The following DNASE1 variants were observed in gnomAD, a reference collection of about 807,000 sequenced individuals.
DNASE1 encodes the protein deoxyribonuclease 1.
DNASE1 carries 40 observed loss-of-function variants against 33.9 expected under a neutral mutation model. The ratio of observed to expected loss-of-function variants is 1.18; its 90% CI spans 0.92 to 1.54. The LOEUF (loss-of-function observed/expected upper bound fraction) is 1.54, where lower values mean the gene tolerates loss of function less well. Among genes scored for constraint, DNASE1 ranks in the 40% most tolerant of loss-of-function variants. The pLI is 0.00. For missense variants in DNASE1, 518 were observed against 372.6 expected, an observed-to-expected ratio of 1.39 and a Z score of -3.21; for synonymous variants, 216 against 160.0, an observed-to-expected ratio of 1.35 and a Z score of -2.64.
chr16:3,621,276 G>T (rs993162649), intron 1 of DNASE1, among the ~76,000 whole-genome samples: 10 of 151,976 alleles, frequency 6.6e-5, no homozygotes, highest in South Asian at 2.1e-4. Flanking sequence ...TTGTAGATAT[G>T]GGGTCTTGCT....
downstream of DNASE1, chr16:3,659,423 A>ATTCTAGGGAAGAAATGTTTC (rs2042934519): frequency 6.6e-6 from 1 of 152,204 alleles, no homozygotes; most frequent in African/African-American, 2.4e-5. Context: ...GACAAGCACA[A>ATTCTAGGGAAGAAATGTTTC]TTCTAGGGAA....
chr16:3,619,866 G>A lies in DNASE1; in HGVS notation c.-1359+7860G>A, dbSNP rs184427486. The stretch of plus-strand genomic sequence containing the variant: ...TTACAGCTCTACTAAATATTTCATC[G>A]AGTCAGCAGATTGGTTATAAATATA... On this transcript the variant is annotated intron_variant and NMD_transcript_variant, in intron 1 of 11. Transcript: ENST00000570769. Among the ~76,000 whole-genome samples the A allele has an allele frequency of 3.0e-4, 45 of 151,646 alleles. 1 individual carries two copies. In the East Asian group the frequency reaches 7.2e-3, roughly 24 times the overall value.
Position 3,655,367 on chromosome 16 carries a change from T to C in DNASE1, c.-1-6T>C. ...TGTTATGTCTCTGTGCCCTGTGCTC[T>C]CCCAGGATGAGGGGCATGAAGCTGC... On this transcript the variant is annotated splice_polypyrimidine_tract_variant and splice_region_variant and intron_variant, in intron 1 of 8. Coordinates refer to ENST00000246949, the MANE Select transcript of DNASE1 (RefSeq NM_005223.4). 6.2e-7 allele frequency: 1 copy of C among 1,614,102 alleles called. No individual in the cohort carries two copies. Among genetic ancestry groups the C allele is most frequent in the Non-Finnish European group, 8.5e-7 (1 of 1,180,032 alleles).
rs1246760583 is a variant in DNASE1, at chr16:3,655,181, A to AGT, written c.-2+139_-2+140dup. 3 of 715,548 alleles carry AGT rather than the reference A, an allele frequency of 4.2e-6. No homozygotes were observed. In the Admixed American group the frequency reaches 8.5e-5, roughly 20 times the overall value. 44.3% of individuals were successfully genotyped at this position (715,548 alleles called of 1,614,324 possible). ...GGGCGGGTTTTCTGGTGGATGGAGG[A>AGT]GTGACTCGGGGTCCTCTACGTGGTG... is the stretch of plus-strand genomic sequence containing the variant. On this transcript the variant is annotated intron_variant, in intron 1 of 8. Transcript: ENST00000246949.
chr16:3,653,826 A>AAAAAAAAAAAAACAAAAAC (rs2042428566), upstream of DNASE1: 2 of 144,908 alleles, frequency 1.4e-5, no homozygotes, highest in African/African-American at 5.3e-5. Context: ...AAAAAAAAAA[A>AAAAAAAAAAAAACAAAAAC]AAAAAAAAAA....
At chr16:3,663,693 T>G in exon 10 of DNASE1, 2 of 1,166,546 alleles carry the variant, frequency 1.7e-6, no homozygotes, top group Non-Finnish European at 2.4e-6. Context: ...CAGTTGGGGT[T>G]CCTAGGCCTG....
chr16:3,628,713 C>T (rs1369104295), intron 1 of DNASE1, among the ~76,000 whole-genome samples: 1 of 151,510 alleles, frequency 6.6e-6, no homozygotes, highest in Non-Finnish European at 1.5e-5. Context: ...CGCCCGCCAC[C>T]ACGCCCGGCT....
chr16:3,657,523 C>A (rs1464837448), intron 7 of DNASE1, among the ~76,000 whole-genome samples, 182 bp downstream of exon 7: 1 of 152,140 alleles, frequency 6.6e-6, no homozygotes, highest in African/African-American at 2.4e-5. Flanking sequence ...AAAAGCACAT[C>A]TGGGGATAAG....
chr16:3,662,740 C>A (rs764592216), downstream of DNASE1: 7 of 776,254 alleles, frequency 9.0e-6, no homozygotes, highest in Admixed American at 1.2e-4. Flanking sequence ...CGAGCAGGGA[C>A]CCACAGGGTC....
downstream of DNASE1, chr16:3,659,834 C>T (rs2151234218): frequency 6.6e-6 from 1 of 152,242 alleles, no homozygotes; most frequent in South Asian, 2.1e-4. Context: ...TGGCTCACCG[C>T]AGCCTCCTGG....
Position 3,657,936 on chromosome 16 carries a change from GA to G in DNASE1, c.833del (p.Glu278GlyfsTer2). The G allele has an allele frequency of 6.2e-7, 1 of 1,613,226 alleles. No homozygotes were observed. The highest frequency in any genetic ancestry group is 8.5e-7 in the Non-Finnish European group (1 of 1,179,198). On this transcript the variant is annotated frameshift_variant, in exon 9 of 9. Coordinates refer to ENST00000246949, the MANE Select transcript of DNASE1 (RefSeq NM_005223.4). LOFTEE classifies it high-confidence loss of function. ...AQAISDHYPV[E>X]VMLK ...AGCCATCAGTGACCACTATCCAGTG[GA>G]GGTGATGCTGAAGTGAGCAGCCCCT...
chr16:3,645,583 G>A (rs1034979097), intron 1 of DNASE1, among the ~76,000 whole-genome samples: 3 of 152,218 alleles, frequency 2.0e-5, no homozygotes, highest in African/African-American at 4.8e-5. Context: ...GGGGAGGGAC[G>A]GGGCAGCCGG....
intron 1 of DNASE1, among the ~76,000 whole-genome samples, chr16:3,624,232 G>A (rs903512630): frequency 6.7e-6 from 1 of 150,096 alleles, no homozygotes; most frequent in African/African-American, 2.5e-5. Context: ...CTGTGCCACT[G>A]CATTCCAGCC....
At chr16:3,655,976 C>T (rs770303526) in intron 3 of DNASE1, 39 bp downstream of exon 3, 19 of 1,612,574 alleles carry the variant, frequency 1.2e-5, no homozygotes, top group Admixed American at 3.3e-5. Flanking sequence ...GGTGACATCT[C>T]GTCCACGGCA....
chr16:3,628,105 A>T (rs184147455), intron 1 of DNASE1, among the ~76,000 whole-genome samples: 4 of 152,218 alleles, frequency 2.6e-5, no homozygotes, highest in Admixed American at 6.5e-5. Context: ...TTATATCTTC[A>T]TTAATTTCTT....
intron 1 of DNASE1, among the ~76,000 whole-genome samples, chr16:3,635,217 G>T (rs1039658294): frequency 6.6e-6 from 1 of 152,044 alleles, no homozygotes; most frequent in Non-Finnish European, 1.5e-5. Context: ...CAGCACTTTG[G>T]GAGGCTGAGG....
chr16:3,653,826 A>AAAAAAACAAAAAAAAAAAC (rs1567205844), upstream of DNASE1: 22 of 145,002 alleles, frequency 1.5e-4, no homozygotes, highest in African/African-American at 5.8e-4. Context: ...AAAAAAAAAA[A>AAAAAAACAAAAAAAAAAAC]AAAAAAAAAA....
At chr16:3,639,785 G>C (rs371527250), upstream of DNASE1, among the ~76,000 whole-genome samples, 7 of 152,294 alleles carry the variant, frequency 4.6e-5, no homozygotes, top group East Asian at 1.3e-3. Flanking sequence ...GGCCAGGCCC[G>C]GTGTGGTGGC....
Position 3,655,042 on chromosome 16 carries a change from C to T in DNASE1, c.-4C>T. 1 of 571,038 alleles carries T rather than the reference C, an allele frequency of 1.8e-6. No homozygotes were observed. The highest frequency in any genetic ancestry group is 3.1e-6 in the Non-Finnish European group (1 of 322,160). The allele number at this position is 571,038 out of a possible 1,614,324, so 35.4% of individuals were successfully genotyped here. The stretch of plus-strand genomic sequence containing the variant: ...ATCTCTGAGGACATCACCATCATCT[C>T]AGGTGAGCACCAGGTGGAGTGCCTC... On this transcript the variant is annotated splice_region_variant and 5_prime_UTR_variant, in exon 1 of 9. Transcript: ENST00000246949.
Sources: gnomAD v4.1 joint callset for allele counts (sites outside exome capture counted in the v4.1 genomes callset) on GRCh38, gnomAD v4.1.1 for gene constraint, MANE v1.5 for transcripts, NCBI Gene and HGNC (gene_info 2026-07-23, HGNC 2026-07-21) for gene names.